PBX1: variants seen among roughly 807,000 people sequenced by gnomAD.
PBX1 encodes pre-B-cell leukemia transcription factor 1.
A neutral mutation model predicts 53.4 loss-of-function variants in PBX1; 6 were observed. That is an observed-to-expected ratio of 0.11 (90% CI 0.06 to 0.22). The LOEUF is 0.22. PBX1 is among the 10% of genes least tolerant of loss of function. The pLI is 1.00. For missense variants in PBX1, 251 were observed against 551.4 expected, an observed-to-expected ratio of 0.46 and a Z score of 5.46; for synonymous variants, 204 against 212.3, an observed-to-expected ratio of 0.96 and a Z score of 0.34.
chr1:164,802,005 T>G (rs188553220), intron 4 of PBX1, among the ~76,000 whole-genome samples: 42 of 152,304 alleles, frequency 2.8e-4, no homozygotes, highest in Admixed American at 4.6e-4. Context: ...ACTGCAGATA[T>G]TCACATGCTC....
At chr1:164,865,787 C>T (rs1672202256) in intron 2 of PBX1, among the ~76,000 whole-genome samples, 1 of 152,178 alleles carries the variant, frequency 6.6e-6, no homozygotes, top group African/African-American at 2.4e-5. Context: ...TTGTCCTAAA[C>T]ATTGCACTGC....
At chr1:164,585,917 C>G (rs924521533) in intron 2 of PBX1, among the ~76,000 whole-genome samples, 1 of 152,200 alleles carries the variant, frequency 6.6e-6, no homozygotes, top group African/African-American at 2.4e-5. Context: ...TTCACCTCTT[C>G]TGTATAACAT....
intron 2 of PBX1, among the ~76,000 whole-genome samples, chr1:164,585,453 G>A (rs1413651621): frequency 2.0e-5 from 3 of 152,166 alleles, no homozygotes; most frequent in Non-Finnish European, 4.4e-5. Context: ...TTTAGCATTT[G>A]CTTTAGTGGC....
chr1:164,811,045 C>T (rs1669584206), intron 5 of PBX1, among the ~76,000 whole-genome samples: 1 of 152,144 alleles, frequency 6.6e-6, no homozygotes, highest in Admixed American at 6.5e-5. Context: ...AGCTGTGGTA[C>T]ATGTGGGATC....
intron 7 of PBX1, among the ~76,000 whole-genome samples, chr1:164,820,518 T>A (rs947707888): frequency 1.3e-5 from 2 of 152,182 alleles, no homozygotes; most frequent in Non-Finnish European, 2.9e-5. Flanking sequence ...GGATGTTACC[T>A]CAATTTCCAG....
Position 164,848,502 on chromosome 1 carries a change from T to A in PBX1, c.*1826T>A, listed in dbSNP as rs1461530356. On this transcript the variant is annotated 3_prime_UTR_variant, in exon 9 of 9. Coordinates refer to ENST00000420696, the MANE Select transcript of PBX1 (RefSeq NM_002585.4). ...ACGGGTTCATGCCATCTAGGGACAA[T>A]AAATGGTTTTCTTGTTGTAACTTCT... 2.8e-6 allele frequency: 3 copies of A among 1,058,640 alleles called. No individual in the cohort carries two copies. The highest frequency in any genetic ancestry group is 3.4e-6 in the Non-Finnish European group (3 of 875,146). The allele number at this position is 1,058,640 out of a possible 1,614,324, so 65.6% of individuals were successfully genotyped here.
At chr1:164,835,239 GTTTTTT>G (rs71670294) in intron 8 of PBX1, among the ~76,000 whole-genome samples, 39,257 of 136,110 alleles carry the variant, frequency 0.29, 5,364 homozygotes, top group Middle Eastern at 0.41. Flanking sequence ...TTTGATTTTG[GTTTTTT>G]TTTTTTTTTT....
intron 4 of PBX1, among the ~76,000 whole-genome samples, chr1:164,802,266 G>T (rs1669115824): frequency 6.6e-6 from 1 of 152,172 alleles, no homozygotes; most frequent in African/African-American, 2.4e-5. Flanking sequence ...TGTTGGTCAG[G>T]GGCCTGGGCA....
At chr1:164,714,831 T>C (rs958512901) in intron 2 of PBX1, among the ~76,000 whole-genome samples, 4 of 152,208 alleles carry the variant, frequency 2.6e-5, no homozygotes, top group African/African-American at 9.6e-5. Flanking sequence ...GGGGATGGAC[T>C]TGACCAGTGA....
chr1:164,835,988 G>T (rs1226708453), intron 8 of PBX1, among the ~76,000 whole-genome samples: 3 of 152,122 alleles, frequency 2.0e-5, no homozygotes, highest in African/African-American at 7.2e-5. Context: ...ATATGTTAGT[G>T]GAAAGTTTAG....
chr1:164,856,900 G>A (rs1009656073), intron 2 of PBX1, among the ~76,000 whole-genome samples: 1 of 152,014 alleles, frequency 6.6e-6, no homozygotes, highest in Non-Finnish European at 1.5e-5. Flanking sequence ...TGGTATTGAG[G>A]AACACATTGG....
intron 2 of PBX1, chr1:164,640,934 A>G (rs536510950): frequency 1.5e-4 from 23 of 152,636 alleles, no homozygotes; most frequent in African/African-American, 5.1e-4. Flanking sequence ...CTCTCTGTCA[A>G]AGGAGGACTT....
intron 4 of PBX1, among the ~76,000 whole-genome samples, chr1:164,807,188 T>C (rs888919714): frequency 2.0e-4 from 31 of 151,868 alleles, no homozygotes; most frequent in African/African-American, 7.5e-4. Flanking sequence ...ACCCAGGAGG[T>C]GGAGGTTCCA....
At chr1:164,793,523 G>T (rs958633303) in intron 3 of PBX1, among the ~76,000 whole-genome samples, 5 of 152,122 alleles carry the variant, frequency 3.3e-5, no homozygotes, top group African/African-American at 1.2e-4. Flanking sequence ...GGGCAAGAAA[G>T]GCTGTTAACT....
Position 164,848,116 on chromosome 1 carries a change from T to C in PBX1, c.*1440T>C, listed in dbSNP as rs528286032. ...CTTTTGCTAGCTTCATTTGAGGACC[T>C]GAGAATCATGGGGAAAGGGAAGGTA... On this transcript the variant is annotated 3_prime_UTR_variant, in exon 9 of 9. Transcript: ENST00000420696. 43 of 1,051,534 alleles carry C rather than the reference T, an allele frequency of 4.1e-5. No individual in the cohort carries two copies. In the African/African-American group the frequency reaches 6.9e-4, roughly 17 times the overall value. 65.1% of individuals were successfully genotyped at this position (1,051,534 alleles called of 1,614,324 possible).
chr1:164,784,432 A>T (rs1436324494), intron 2 of PBX1, among the ~76,000 whole-genome samples: 1 of 152,212 alleles, frequency 6.6e-6, no homozygotes, highest in African/African-American at 2.4e-5. Flanking sequence ...TGTGAATGGG[A>T]TCCATGCCCA....
chr1:164,679,368 A>G (rs1661617151), intron 2 of PBX1, among the ~76,000 whole-genome samples: 1 of 152,184 alleles, frequency 6.6e-6, no homozygotes, highest in Non-Finnish European at 1.5e-5. Flanking sequence ...TGGACATCAC[A>G]GTGGGAGCAG....
intron 2 of PBX1, among the ~76,000 whole-genome samples, chr1:164,789,831 C>T (rs973737625): frequency 4.7e-4 from 71 of 152,262 alleles, no homozygotes; most frequent in African/African-American, 1.4e-3. Context: ...TGGGGGCTTA[C>T]GGCCTCTTCT....
intron 2 of PBX1, among the ~76,000 whole-genome samples, chr1:164,759,843 G>T (rs1026090205): frequency 4.6e-5 from 7 of 152,154 alleles, no homozygotes; most frequent in Non-Finnish European, 7.3e-5. Flanking sequence ...CTTGGTTATG[G>T]CCTGTGCTCC....
Sources: gnomAD v4.1 joint callset for allele counts (sites outside exome capture counted in the v4.1 genomes callset) on GRCh38, gnomAD v4.1.1 for gene constraint, MANE v1.5 for transcripts, NCBI Gene and HGNC (gene_info 2026-07-23, HGNC 2026-07-21) for gene names.